The following HECW2 variants were observed in gnomAD, a reference collection of about 807,000 sequenced individuals.
HECW2 encodes the protein E3 ubiquitin-protein ligase HECW2.
HECW2 carries 61 observed loss-of-function variants against 175.2 expected under a neutral mutation model. The observed-to-expected ratio is 0.35, with a 90% CI of 0.28 to 0.43. The LOEUF (loss-of-function observed/expected upper bound fraction) is 0.43. Ranked by LOEUF, HECW2 falls within the 20% of genes least tolerant of loss-of-function variation. HECW2 has a pLI of 1.00. For synonymous variants in HECW2, 671 were observed against 731.0 expected, an observed-to-expected ratio of 0.92 and a Z score of 1.32; for missense variants, 1,524 against 2,000.5, an observed-to-expected ratio of 0.76 and a Z score of 4.54.
At position 196,378,256 on chromosome 2, in the gene HECW2, C is replaced by T. The variant is rs527387484; in HGVS notation, c.293-34492G>A. ...GGCTGAAATAGCATATATACTGCAC[C>T]ACCACCCCCATACACACACAATTTC... On this transcript the variant is annotated intron_variant, in intron 2 of 28. Transcript: ENST00000644978. Among the ~76,000 whole-genome samples the T allele has an allele frequency of 2.6e-5, 4 of 152,224 alleles. No individual in the cohort carries two copies. The South Asian group carries it at 8.3e-4, about 32-fold the overall frequency.
intron 2 of HECW2, among the ~76,000 whole-genome samples, chr2:196,427,335 TG>T (rs1695578409): frequency 6.6e-6 from 1 of 152,134 alleles, no homozygotes; most frequent in Non-Finnish European, 1.5e-5. Flanking sequence ...ATTGTCTTAA[TG>T]TGCACTTTCG....
intron 2 of HECW2, among the ~76,000 whole-genome samples, chr2:196,383,398 A>G (rs987940473): frequency 6.6e-6 from 1 of 152,228 alleles, no homozygotes; most frequent in African/African-American, 2.4e-5. Flanking sequence ...GGCTGAATCC[A>G]TGGAAACAGA....
At chr2:196,570,701 T>A (rs1690353975) in intron 1 of HECW2, among the ~76,000 whole-genome samples, 1 of 152,202 alleles carries the variant, frequency 6.6e-6, no homozygotes, top group South Asian at 2.1e-4. Context: ...TAAAGTATAA[T>A]TTAAAAATAG....
At chr2:196,309,736 T>G (rs1461921430) in intron 10 of HECW2, among the ~76,000 whole-genome samples, 1 of 152,112 alleles carries the variant, frequency 6.6e-6, no homozygotes, top group Non-Finnish European at 1.5e-5. Context: ...GTAGTCCCAA[T>G]TTTAAAAATG....
Position 196,460,776 on chromosome 2 carries a change from ATTTTTTTTTTTTTTTTT to A in HECW2, c.-35-27335_-35-27319del, listed in dbSNP as rs201916150. ...CAAGCATGCATCACCACACCTGGCA[ATTTTTTTTTTTTTTTTT>A]TTTTTTTTTTTTGGAGAGATAGGCT... On this transcript the variant is annotated intron_variant, in intron 1 of 28. Coordinates refer to ENST00000644978, the MANE Select transcript of HECW2 (RefSeq NM_001348768.2). 2.0e-4 allele frequency among the ~76,000 whole-genome samples: 23 copies of A among 116,132 alleles called. No homozygotes were observed. The Middle Eastern group carries it at 0.018, about 92-fold the overall frequency. The allele number at this position is 116,132 out of a possible 152,430, so 76.2% of individuals were successfully genotyped here.
At chr2:196,457,110 G>T (rs9973736) in intron 1 of HECW2, among the ~76,000 whole-genome samples, 2,386 of 152,274 alleles carry the variant, frequency 0.016, 63 homozygotes, top group African/African-American at 0.055. Context: ...GTACGGCATG[G>T]AATCAAGATA....
At chr2:196,482,747 CT>C (rs1219615290) in intron 1 of HECW2, among the ~76,000 whole-genome samples, 1 of 152,162 alleles carries the variant, frequency 6.6e-6, no homozygotes, top group Non-Finnish European at 1.5e-5. Flanking sequence ...TCCTATTGGA[CT>C]TCACTTACAA....
intron 19 of HECW2, chr2:196,242,462 T>C (rs972201133): frequency 6.7e-6 from 3 of 447,786 alleles, no homozygotes; most frequent in Non-Finnish European, 1.2e-5. Context: ...GTTTCTCAAG[T>C]ATGTTCCCCT....
chr2:196,455,778 TA>T, intron 1 of HECW2, among the ~76,000 whole-genome samples: 1 of 152,232 alleles, frequency 6.6e-6, no homozygotes, highest in East Asian at 1.9e-4. Context: ...AAAATTATTT[TA>T]TTCTTGCAAA....
intron 13 of HECW2, among the ~76,000 whole-genome samples, chr2:196,300,439 G>T (rs924862689): frequency 8.5e-5 from 13 of 152,180 alleles, no homozygotes; most frequent in Non-Finnish European, 1.5e-4. Flanking sequence ...CACATAACAT[G>T]AAGAAATGTA....
intron 1 of HECW2, among the ~76,000 whole-genome samples, chr2:196,570,759 A>T (rs1407786543): frequency 6.6e-6 from 1 of 152,170 alleles, no homozygotes; most frequent in Non-Finnish European, 1.5e-5. Flanking sequence ...TTCACATACA[A>T]ATTATTATTT....
At chr2:196,390,869 T>G (rs571286835) in intron 2 of HECW2, among the ~76,000 whole-genome samples, 4 of 152,192 alleles carry the variant, frequency 2.6e-5, no homozygotes, top group African/African-American at 4.8e-5. Flanking sequence ...GACTTTCTGT[T>G]TTGAGCTTTG....
rs551913968 is a variant in HECW2, at chr2:196,467,428, C to T, written c.-35-33970G>A. On this transcript the variant is annotated intron_variant, in intron 1 of 28. Transcript: ENST00000644978. ...GGAGCTGCTATTTATTGAGAGCTTT[C>T]TGGGCTTTCTTGCAGATTCCATTTA... Among the ~76,000 whole-genome samples the T allele has an allele frequency of 9.2e-5, 14 of 152,144 alleles. 1 individual carries two copies. The highest frequency in any genetic ancestry group is 8.5e-4 in the Admixed American group (13 of 15,292).
chr2:196,483,298 G>A (rs549915607), intron 1 of HECW2, among the ~76,000 whole-genome samples: 49 of 152,104 alleles, frequency 3.2e-4, no homozygotes, highest in Non-Finnish European at 5.9e-4. Context: ...CAGGCATTAT[G>A]CTAAGCTCCA....
At chr2:196,339,448 C>T (rs1431993802) in intron 3 of HECW2, among the ~76,000 whole-genome samples, 1 of 152,110 alleles carries the variant, frequency 6.6e-6, no homozygotes, top group Non-Finnish European at 1.5e-5. Context: ...TGTCATATTC[C>T]TCAATGATCA....
chr2:196,434,446 T>C (rs997908736), intron 1 of HECW2, among the ~76,000 whole-genome samples: 5 of 152,176 alleles, frequency 3.3e-5, no homozygotes, highest in Non-Finnish European at 5.9e-5. Context: ...GCCTTCCCTG[T>C]TGGAACTTAG....
At chr2:196,384,935 T>A (rs1006122720) in intron 2 of HECW2, among the ~76,000 whole-genome samples, 2 of 152,148 alleles carry the variant, frequency 1.3e-5, no homozygotes, top group Non-Finnish European at 2.9e-5. Flanking sequence ...CTTTTTTTTT[T>A]AGTCAGGGTC....
At chr2:196,555,143 T>C (rs896429961) in intron 1 of HECW2, among the ~76,000 whole-genome samples, 1 of 152,028 alleles carries the variant, frequency 6.6e-6, no homozygotes, top group Non-Finnish European at 1.5e-5. Flanking sequence ...AAACAAGCAA[T>C]TTTTTTTCTG....
At chr2:196,442,371 T>C (rs1455353132) in intron 1 of HECW2, among the ~76,000 whole-genome samples, 2 of 152,202 alleles carry the variant, frequency 1.3e-5, no homozygotes, top group Non-Finnish European at 1.5e-5. Flanking sequence ...AACACTCATA[T>C]GTTGCTGAGA....
Sources: gnomAD v4.1 joint callset for allele counts (sites outside exome capture counted in the v4.1 genomes callset) on GRCh38, gnomAD v4.1.1 for gene constraint, MANE v1.5 for transcripts, NCBI Gene and HGNC (gene_info 2026-07-23, HGNC 2026-07-21) for gene names.